KLHL1: variants seen among roughly 807,000 people sequenced by gnomAD.
KLHL1 encodes kelch like family member 1.
A neutral mutation model predicts 77.7 loss-of-function variants in KLHL1; 47 were observed. The ratio of observed to expected loss-of-function variants is 0.60; its 90% CI spans 0.48 to 0.77. The LOEUF is 0.77. Ranked by LOEUF, KLHL1 falls within the 30% of genes least tolerant of loss-of-function variation. KLHL1 has a pLI of 0.00. For missense variants in KLHL1, 925 were observed against 910.8 expected (o/e 1.02, Z -0.20); for synonymous variants, 360 against 325.2 (o/e 1.11, Z -1.15).
At chr13:69,786,560 G>A (rs1050491142) in intron 7 of KLHL1, among the ~76,000 whole-genome samples, 3 of 152,130 alleles carry the variant, frequency 2.0e-5, no homozygotes, top group Non-Finnish European at 4.4e-5. Flanking sequence ...GTACTGAATG[G>A]GCAAAAATTG....
At chr13:70,033,164 C>T (rs2439688) in intron 1 of KLHL1, among the ~76,000 whole-genome samples, 63,402 of 151,934 alleles carry the variant, frequency 0.42, 13,945 homozygotes, top group African/African-American at 0.57. Context: ...ATTTTATTGA[C>T]CTATGTTGAA....
At chr13:69,794,455 GAGC>G (rs1877012784) in intron 7 of KLHL1, among the ~76,000 whole-genome samples, 1 of 151,490 alleles carries the variant, frequency 6.6e-6, no homozygotes, top group Non-Finnish European at 1.5e-5. Context: ...GAAAGAAACA[GAGC>G]ATCTTAAAGG....
chr13:69,739,495 T>A (rs568223575), intron 8 of KLHL1, among the ~76,000 whole-genome samples: 22 of 152,276 alleles, frequency 1.4e-4, no homozygotes, highest in African/African-American at 5.1e-4. Context: ...TGTGCTGTAT[T>A]CAACAGACCT....
At chr13:69,814,462 C>T (rs770863371) in intron 6 of KLHL1, among the ~76,000 whole-genome samples, 11 of 152,140 alleles carry the variant, frequency 7.2e-5, no homozygotes, top group Non-Finnish European at 1.5e-4. Context: ...AATAAACAGA[C>T]AACCTACAAA....
intron 5 of KLHL1, among the ~76,000 whole-genome samples, chr13:69,874,507 C>G (rs760245492): frequency 2.2e-4 from 33 of 152,126 alleles, no homozygotes; most frequent in Non-Finnish European, 2.8e-4. Flanking sequence ...TGGAAAAGGT[C>G]TAATGATTTA....
intron 6 of KLHL1, among the ~76,000 whole-genome samples, chr13:69,814,947 G>C (rs1308988903): frequency 6.6e-6 from 1 of 151,982 alleles, no homozygotes; most frequent in Non-Finnish European, 1.5e-5. Flanking sequence ...GGAGGCGGAG[G>C]TTGCAGTGAG....
intron 6 of KLHL1, among the ~76,000 whole-genome samples, chr13:69,833,747 GTA>G (rs71196266): frequency 0.78 from 111,092 of 142,212 alleles, 43,631 homozygotes; most frequent in East Asian, 0.97. Context: ...AGAAATAATG[GTA>G]TATATATATA....
At chr13:69,966,245 C>T (rs1221216066) in intron 2 of KLHL1, among the ~76,000 whole-genome samples, 2 of 152,118 alleles carry the variant, frequency 1.3e-5, no homozygotes, top group Non-Finnish European at 2.9e-5. Flanking sequence ...CAGGCTAACT[C>T]TCTTTTTAGG....
intron 8 of KLHL1, among the ~76,000 whole-genome samples, chr13:69,725,574 G>A (rs1041817683): frequency 2.0e-5 from 3 of 152,100 alleles, no homozygotes; most frequent in East Asian, 1.9e-4. Flanking sequence ...GAGTGAATGA[G>A]TATTGGTGGA....
intron 1 of KLHL1, among the ~76,000 whole-genome samples, chr13:70,003,911 G>A (rs1287188375): frequency 6.6e-6 from 1 of 151,726 alleles, no homozygotes; most frequent in East Asian, 1.9e-4. Context: ...TTAATATACG[G>A]ACAGTGTTAA....
intron 1 of KLHL1, among the ~76,000 whole-genome samples, chr13:70,051,650 C>T (rs1056101809): frequency 6.6e-6 from 1 of 151,966 alleles, no homozygotes; most frequent in African/African-American, 2.4e-5. Context: ...AATGTTCAAA[C>T]GTAAGTTTAT....
chr13:69,873,595 A>G (rs1321066633), intron 5 of KLHL1, among the ~76,000 whole-genome samples: 1 of 152,110 alleles, frequency 6.6e-6, no homozygotes, highest in Non-Finnish European at 1.5e-5. Flanking sequence ...GCCACATAAA[A>G]GTATAAAGAT....
chr13:69,841,436 A>T (rs1256338110), intron 5 of KLHL1, among the ~76,000 whole-genome samples: 1 of 149,598 alleles, frequency 6.7e-6, no homozygotes, highest in Non-Finnish European at 1.5e-5. Context: ...TAGTTGAGAA[A>T]AAAAAACAAG....
At chr13:69,818,930 A>G (rs1878231666) in intron 6 of KLHL1, among the ~76,000 whole-genome samples, 1 of 152,234 alleles carries the variant, frequency 6.6e-6, no homozygotes, top group African/African-American at 2.4e-5. Context: ...AAAGTCATAC[A>G]GTATTTTAAT....
At chr13:69,916,164 T>C (rs1258186099) in intron 4 of KLHL1, among the ~76,000 whole-genome samples, 3 of 151,974 alleles carry the variant, frequency 2.0e-5, no homozygotes, top group African/African-American at 4.8e-5. Flanking sequence ...AGTTCAACCA[T>C]TGTGGAAGTC....
intron 5 of KLHL1, among the ~76,000 whole-genome samples, chr13:69,874,443 CTTAAAATA>C (rs981909052): frequency 6.6e-6 from 1 of 152,120 alleles, no homozygotes; most frequent in African/African-American, 2.4e-5. Context: ...AATATCTCCA[CTTAAAATA>C]TTAAAGTAGT....
At chr13:69,983,170 T>C (rs999245584) in intron 1 of KLHL1, among the ~76,000 whole-genome samples, 2 of 152,116 alleles carry the variant, frequency 1.3e-5, no homozygotes, top group African/African-American at 2.4e-5. Flanking sequence ...CAATGAAAAC[T>C]ACAAAATACT....
intron 1 of KLHL1, among the ~76,000 whole-genome samples, chr13:70,056,470 G>A (rs766548894): frequency 3.9e-5 from 6 of 152,174 alleles, no homozygotes; most frequent in Middle Eastern, 3.4e-3. Flanking sequence ...AACTTAATCT[G>A]CATTATAGAC....
intron 1 of KLHL1, among the ~76,000 whole-genome samples, chr13:70,039,734 G>A (rs1446978552): frequency 1.3e-5 from 2 of 150,140 alleles, no homozygotes; most frequent in Non-Finnish European, 3.0e-5. Context: ...CTGCCTCCTG[G>A]ACTCAAGAGA....
Sources: allele counts gnomAD v4.1 joint callset (sites outside exome capture counted in the v4.1 genomes callset), GRCh38; gene constraint gnomAD v4.1.1; transcripts MANE v1.5; gene names NCBI Gene and HGNC (gene_info 2026-07-23, HGNC 2026-07-21).